Variants in FOXN3 observed in about 807,000 individuals in gnomAD.
FOXN3 encodes the protein forkhead box N3.
A neutral mutation model predicts 38.4 loss-of-function variants in FOXN3; 7 were observed. That is an observed-to-expected ratio of 0.18 (90% CI 0.10 to 0.34). FOXN3 has a LOEUF of 0.34. Among genes scored for constraint, FOXN3 ranks in the 10% least tolerant of loss-of-function variants. The pLI is 1.00. For synonymous variants in FOXN3, 230 were observed against 242.2 expected (o/e 0.95, Z 0.47); for missense variants, 456 against 613.4 (o/e 0.74, Z 2.71).
chr14:89,367,122 C>T (rs555940156), intron 2 of FOXN3, among the ~76,000 whole-genome samples: 1 of 152,138 alleles, frequency 6.6e-6, no homozygotes, highest in Admixed American at 6.6e-5. Flanking sequence ...TTTGTTCTTG[C>T]GGAGTGGCCA....
intron 4 of FOXN3, among the ~76,000 whole-genome samples, chr14:89,251,444 G>C (rs1410540493): frequency 6.6e-6 from 1 of 152,208 alleles, no homozygotes; most frequent in African/African-American, 2.4e-5. Flanking sequence ...CACTGGAAAA[G>C]CACCTCGCAC....
intron 1 of FOXN3, among the ~76,000 whole-genome samples, chr14:89,555,605 A>G (rs1185445306): frequency 1.3e-5 from 2 of 151,698 alleles, no homozygotes; most frequent in African/African-American, 2.4e-5. Flanking sequence ...ATTAAAGGCA[A>G]TCTCTAGGAA....
chr14:89,446,044 T>C (rs938757684), intron 1 of FOXN3, among the ~76,000 whole-genome samples: 4 of 121,606 alleles, frequency 3.3e-5, no homozygotes, highest in African/African-American at 3.2e-5. Context: ...GCTGTGATTA[T>C]ACCACCGCAC....
intron 1 of FOXN3, among the ~76,000 whole-genome samples, chr14:89,465,152 C>T (rs1024279858): frequency 6.6e-6 from 1 of 152,178 alleles, no homozygotes; most frequent in African/African-American, 2.4e-5. Context: ...TGAGGCCTCC[C>T]CAGCCATGCA....
intron 3 of FOXN3, among the ~76,000 whole-genome samples, chr14:89,348,554 G>A (rs2140005275): frequency 6.6e-6 from 1 of 152,126 alleles, no homozygotes; most frequent in East Asian, 1.9e-4. Context: ...TGGACTTAAG[G>A]CATGGAAGAG....
intron 1 of FOXN3, among the ~76,000 whole-genome samples, chr14:89,509,767 T>C (rs1175580797): frequency 6.6e-6 from 1 of 152,248 alleles, no homozygotes; most frequent in African/African-American, 2.4e-5. Flanking sequence ...AGTTTAACTT[T>C]TAATGAAAAC....
rs185831698 is a variant in FOXN3, at chr14:89,492,212, A to G, written c.-14-79722T>C. The stretch of plus-strand genomic sequence containing the variant: ...ACGTTATGTAAACTCTCTCCTACCA[A>G]TGCTATTTGGTCCCCTCAGCCTGGG... On this transcript the variant is annotated intron_variant, in intron 1 of 6. Transcript: ENST00000345097. Among the ~76,000 whole-genome samples the G allele has an allele frequency of 8.5e-4, 130 of 152,254 alleles. 2 individuals are homozygous for G. Among genetic ancestry groups the G allele is most frequent in the African/African-American group, 2.9e-3 (119 of 41,550 alleles).
chr14:89,513,998 A>G (rs2139812489), intron 1 of FOXN3, among the ~76,000 whole-genome samples: 1 of 152,252 alleles, frequency 6.6e-6, no homozygotes, highest in South Asian at 2.1e-4. Flanking sequence ...TTTTCAGATG[A>G]AGTAGAAAGG....
At chr14:89,178,067 G>T (rs894062750) in intron 5 of FOXN3, among the ~76,000 whole-genome samples, 5 of 152,088 alleles carry the variant, frequency 3.3e-5, no homozygotes, top group Non-Finnish European at 5.9e-5. Flanking sequence ...GAGTGCAGTG[G>T]AGTAATCTCG....
intron 1 of FOXN3, among the ~76,000 whole-genome samples, chr14:89,594,247 C>G (rs1038100326): frequency 1.3e-5 from 2 of 152,204 alleles, no homozygotes; most frequent in Non-Finnish European, 2.9e-5. Context: ...TACTGACTTA[C>G]AGAATACGCA....
intron 3 of FOXN3, among the ~76,000 whole-genome samples, chr14:89,316,669 ATTT>A (rs546352695): frequency 7.4e-6 from 1 of 135,284 alleles, no homozygotes; most frequent in Admixed American, 7.5e-5. Context: ...CCTATGATGA[ATTT>A]TTTTTTTTTT....
At chr14:89,490,404 T>C (rs1282724220) in intron 1 of FOXN3, among the ~76,000 whole-genome samples, 1 of 152,252 alleles carries the variant, frequency 6.6e-6, no homozygotes, top group Non-Finnish European at 1.5e-5. Flanking sequence ...AGCTGATCCC[T>C]GATGCCTTAA....
chr14:89,394,586 T>A (rs1473609935), intron 2 of FOXN3, among the ~76,000 whole-genome samples: 1 of 152,028 alleles, frequency 6.6e-6, no homozygotes, highest in Non-Finnish European at 1.5e-5. Flanking sequence ...ATAAAGAAAA[T>A]GACATCATCA....
chr14:89,557,034 T>C (rs888425527), intron 1 of FOXN3, among the ~76,000 whole-genome samples: 3 of 152,122 alleles, frequency 2.0e-5, no homozygotes, highest in Non-Finnish European at 4.4e-5. Context: ...GGCAGTAGTT[T>C]AGTTATCGAA....
intron 1 of FOXN3, among the ~76,000 whole-genome samples, chr14:89,616,228 A>G (rs977675128): frequency 6.6e-6 from 1 of 151,814 alleles, no homozygotes; most frequent in African/African-American, 2.4e-5. Context: ...GGGGGAGGGG[A>G]GGTCTCCAAA....
rs10550227 is a variant in FOXN3 at position 89,456,194 on chromosome 14, CAAAAAAAAA to C, written c.-14-43713_-14-43705del. 5.1e-3 allele frequency among the ~76,000 whole-genome samples: 541 copies of C among 105,836 alleles called. 2 individuals are homozygous for C. Among genetic ancestry groups the C allele is most frequent in the African/African-American group, 0.018 (502 of 28,230 alleles). 69.4% of individuals were successfully genotyped at this position (105,836 alleles called of 152,430 possible). ...GGGCAACAGTGTGAGACTCAGTCTC[CAAAAAAAAA>C]AAAAAAAAAAACTAACCACAAAAGA... is the stretch of plus-strand genomic sequence containing the variant. On this transcript the variant is annotated intron_variant, in intron 1 of 6. Transcript: ENST00000345097.
intron 1 of FOXN3, among the ~76,000 whole-genome samples, chr14:89,497,868 G>C (rs1372698125): frequency 6.6e-6 from 1 of 151,990 alleles, no homozygotes; most frequent in Non-Finnish European, 1.5e-5. Flanking sequence ...GGTGTCCAAG[G>C]GTTCCATTTT....
intron 3 of FOXN3, among the ~76,000 whole-genome samples, chr14:89,332,377 TAC>T (rs1437671304): frequency 1.3e-5 from 2 of 152,162 alleles, no homozygotes; most frequent in Non-Finnish European, 2.9e-5. Flanking sequence ...GAGCAAAAAG[TAC>T]AGTCAGTTCC....
At chr14:89,438,202 A>C (rs1234505450) in intron 1 of FOXN3, among the ~76,000 whole-genome samples, 1 of 152,266 alleles carries the variant, frequency 6.6e-6, no homozygotes, top group Non-Finnish European at 1.5e-5. Flanking sequence ...GAAACACTGA[A>C]GCTGAAAGCT....
Sources: allele counts gnomAD v4.1 joint callset (sites outside exome capture counted in the v4.1 genomes callset), GRCh38; gene constraint gnomAD v4.1.1; transcripts MANE v1.5; gene names NCBI Gene and HGNC (gene_info 2026-07-23, HGNC 2026-07-21).